The following CAMK4 variants were observed in gnomAD, a reference collection of about 807,000 sequenced individuals.
CAMK4 encodes the protein calcium/calmodulin dependent protein kinase IV.
In CAMK4, 22 loss-of-function variants were observed where a neutral mutation model predicts 44.9. The observed-to-expected ratio is 0.49, with a 90% confidence interval of 0.35 to 0.70. The LOEUF is 0.70. CAMK4 is among the 30% of genes least tolerant of loss of function. CAMK4 has a pLI of 0.01. For synonymous variants in CAMK4, 218 were observed against 215.4 expected, an observed-to-expected ratio of 1.01 and a Z score of -0.11; for missense variants, 498 against 586.8, an observed-to-expected ratio of 0.85 and a Z score of 1.56.
chr5:111,448,491 A>C (rs538808924), intron 6 of CAMK4, among the ~76,000 whole-genome samples: 1 of 152,372 alleles, frequency 6.6e-6, no homozygotes, highest in Admixed American at 6.5e-5. Context: ...ACAAAATATA[A>C]CTATTGCAAC....
rs995592602 is a variant in CAMK4, at chr5:111,351,664, G to A, written c.240+7562G>A. 4.1e-5 allele frequency among the ~76,000 whole-genome samples: 6 copies of A among 147,858 alleles called. No homozygotes were observed. The East Asian group carries it at 6.2e-4, about 15-fold the overall frequency. On this transcript the variant is annotated intron_variant, in intron 2 of 10. Transcript: ENST00000282356. ...TGACCTCAGGTGATCCACCTGCCTC[G>A]GCCTCCCAAAGTGCTGGGATTATAG...
intron 8 of CAMK4, 101 bp downstream of exon 8, chr5:111,473,487 C>A (rs1472927519): frequency 3.9e-6 from 3 of 762,994 alleles, no homozygotes; most frequent in African/African-American, 3.5e-5. Flanking sequence ...TACTTTTTGC[C>A]TTTTTGTGAT....
At chr5:111,427,908 T>G (rs1753289029) in intron 5 of CAMK4, among the ~76,000 whole-genome samples, 1 of 152,112 alleles carries the variant, frequency 6.6e-6, no homozygotes, top group Non-Finnish European at 1.5e-5. Flanking sequence ...GTAGCCAGAG[T>G]GTAGTTATAG....
chr5:111,329,800 AAAAT>A (rs1356575190), intron 1 of CAMK4, among the ~76,000 whole-genome samples: 4 of 151,758 alleles, frequency 2.6e-5, no homozygotes, highest in Admixed American at 1.3e-4. Context: ...TAAAAAAAGA[AAAAT>A]AAATCTCTCA....
chr5:111,339,963 G>A (rs1162533301), intron 1 of CAMK4, among the ~76,000 whole-genome samples: 1 of 150,870 alleles, frequency 6.6e-6, no homozygotes, highest in East Asian at 1.9e-4. Context: ...TTATTTCTAA[G>A]TATTTTATAT....
chr5:111,416,602 G>A (rs923535274), intron 5 of CAMK4: 1 of 152,136 alleles, frequency 6.6e-6, no homozygotes. Context: ...TGTTTCACCA[G>A]GTGCGAGAAC....
chr5:111,265,948 T>C (rs1216680842), intron 1 of CAMK4: 1 of 152,192 alleles, frequency 6.6e-6, no homozygotes, highest in Non-Finnish European at 1.5e-5. Context: ...AGGATCTATG[T>C]CATGGAGGGC....
chr5:111,459,804 G>A (rs1474093679), intron 7 of CAMK4, among the ~76,000 whole-genome samples: 1 of 147,262 alleles, frequency 6.8e-6, no homozygotes, highest in Non-Finnish European at 1.5e-5. Flanking sequence ...TCGGGTTCAC[G>A]CCATTCTCCT....
intron 2 of CAMK4, among the ~76,000 whole-genome samples, chr5:111,346,515 TCC>T (rs1367652413): frequency 7.6e-6 from 1 of 131,064 alleles, no homozygotes; most frequent in African/African-American, 2.8e-5. Context: ...TCTATCTATC[TCC>T]ATCCATCTAT....
In CAMK4 at chr5:111,463,407, C is replaced by T. The variant is rs577075718; in HGVS notation, c.626-9904C>T. On this transcript the variant is annotated intron_variant, in intron 7 of 10. Transcript: ENST00000282356. Reference sequence around the variant, plus strand: ...GTTCCTGCAGGCCCCAGGAGACAACCTAAAAACTCTGAAGACAAAGGACAT... The same window carrying T: ...GTTCCTGCAGGCCCCAGGAGACAACTTAAAAACTCTGAAGACAAAGGACAT... 5.1e-4 allele frequency among the ~76,000 whole-genome samples: 78 copies of T among 152,288 alleles called. 3 individuals are homozygous for T. In the South Asian group the frequency reaches 0.013, roughly 25 times the overall value.
At chr5:111,410,953 T>C (rs942239025) in intron 5 of CAMK4, among the ~76,000 whole-genome samples, 12 of 152,242 alleles carry the variant, frequency 7.9e-5, no homozygotes, top group Non-Finnish European at 1.2e-4. Flanking sequence ...ATTTCCAGAT[T>C]AAAAAAGAAG....
intron 7 of CAMK4, among the ~76,000 whole-genome samples, chr5:111,472,218 C>A (rs1239950736): frequency 1.3e-5 from 2 of 152,076 alleles, no homozygotes; most frequent in Non-Finnish European, 2.9e-5. Context: ...TGATAGGCAA[C>A]ACTGAATGTG....
intron 2 of CAMK4, among the ~76,000 whole-genome samples, chr5:111,365,859 A>C (rs1750773961): frequency 6.6e-6 from 1 of 152,086 alleles, no homozygotes; most frequent in Non-Finnish European, 1.5e-5. Context: ...CATGTAGGAA[A>C]ACCTCGATAT....
At chr5:111,262,790 G>T (rs1403349189) in intron 1 of CAMK4, among the ~76,000 whole-genome samples, 4 of 152,124 alleles carry the variant, frequency 2.6e-5, no homozygotes, top group African/African-American at 9.7e-5. Context: ...TGTCTCCCAG[G>T]TTCTGTCCTT....
intron 1 of CAMK4, among the ~76,000 whole-genome samples, chr5:111,284,492 G>A (rs1561385438): frequency 6.6e-6 from 1 of 152,130 alleles, no homozygotes; most frequent in Non-Finnish European, 1.5e-5. Flanking sequence ...GGGCTGACTT[G>A]TACAAACTTG....
Position 111,480,284 on chromosome 5 carries a change from A to ACACACACACACACC in CAMK4, c.828+1782_828+1783insACACACACCCACAC, listed in dbSNP as rs1353995724. On this transcript the variant is annotated intron_variant, in intron 9 of 10. Coordinates refer to ENST00000282356, the MANE Select transcript of CAMK4 (RefSeq NM_001744.6). ...CACACACACACACACACACACACACACACACCCCTGGGTAACTCTTATTCT... is the reference window on the plus strand; with the variant it reads ...CACACACACACACACACACACACACACACACACACACACCCACACCCCTGGGTAACTCTTATTCT... Among the ~76,000 whole-genome samples, 4 of 148,880 alleles carry ACACACACACACACC rather than the reference A, an allele frequency of 2.7e-5. No homozygotes were observed. The East Asian group carries it at 7.8e-4, about 29-fold the overall frequency.
intron 5 of CAMK4, among the ~76,000 whole-genome samples, chr5:111,442,534 A>G (rs1753862930): frequency 6.7e-6 from 1 of 149,258 alleles, no homozygotes; most frequent in Non-Finnish European, 1.5e-5. Flanking sequence ...ATATATATAT[A>G]TATATATATA....
At chr5:111,459,040 G>A (rs1189326337) in intron 7 of CAMK4, among the ~76,000 whole-genome samples, 2 of 151,872 alleles carry the variant, frequency 1.3e-5, no homozygotes, top group Non-Finnish European at 2.9e-5. Flanking sequence ...TGGGCAGAAG[G>A]GAATATATGG....
At position 111,261,427 on chromosome 5, in the gene CAMK4, T is replaced by G. The variant is rs551388017; in HGVS notation, c.161+36783T>G. On this transcript the variant is annotated intron_variant, in intron 1 of 10. Coordinates refer to ENST00000282356, the MANE Select transcript of CAMK4 (RefSeq NM_001744.6). ...CCCTATAGCAGCTGGGCTCTACTCCTTCCTCTAGGTATTTCCCTTCCGGAT... is the reference window on the plus strand; with the variant it reads ...CCCTATAGCAGCTGGGCTCTACTCCGTCCTCTAGGTATTTCCCTTCCGGAT... Among the ~76,000 whole-genome samples, 226 of 152,322 alleles carry G rather than the reference T, an allele frequency of 1.5e-3. 3 individuals carry two copies. Among genetic ancestry groups the G allele is most frequent in the African/African-American group, 5.2e-3 (217 of 41,570 alleles).
Sources: allele counts gnomAD v4.1 joint callset (sites outside exome capture counted in the v4.1 genomes callset), GRCh38; gene constraint gnomAD v4.1.1; transcripts MANE v1.5; gene names NCBI Gene and HGNC (gene_info 2026-07-23, HGNC 2026-07-21).